REDIC1: variants seen among roughly 807,000 people sequenced by gnomAD.
REDIC1 encodes the protein HEI10 Interacting Protein 1.
chr12:39,728,813 A>G, the REDIC1 span, among the ~76,000 whole-genome samples: 19 of 105,872 alleles, frequency 1.8e-4, no homozygotes, highest in Non-Finnish European at 3.4e-4. Flanking sequence ...TTGGTAGGCT[A>G]TTAATTACTG....
At chr12:39,663,419 C>A in the REDIC1 span, among the ~76,000 whole-genome samples, 645 of 151,892 alleles carry the variant, frequency 4.2e-3, 4 homozygotes, top group Admixed American at 6.9e-3. Context: ...TTTTGGTTTC[C>A]TTTTGTGTGG....
chr12:39,670,660 C>G, the REDIC1 span, among the ~76,000 whole-genome samples: 2 of 151,406 alleles, frequency 1.3e-5, no homozygotes, highest in Non-Finnish European at 2.9e-5. Flanking sequence ...TTAAACTTTT[C>G]TTCACCTTTC....
At chr12:39,839,877 A>G in the REDIC1 span, among the ~76,000 whole-genome samples, 6 of 152,108 alleles carry the variant, frequency 3.9e-5, no homozygotes, top group Non-Finnish European at 8.8e-5. Flanking sequence ...CTAAAGCTCA[A>G]TCTTTGGCTT....
At chr12:39,721,992 A>G in the REDIC1 span, 1 of 152,134 alleles carries the variant, frequency 6.6e-6, no homozygotes, top group African/African-American at 2.4e-5. Context: ...TGTTTCTAAG[A>G]CAACACTTAT....
chr12:39,845,006 A>G, the REDIC1 span, among the ~76,000 whole-genome samples: 1 of 152,024 alleles, frequency 6.6e-6, no homozygotes, highest in African/African-American at 2.4e-5. Flanking sequence ...TAAAGTGACC[A>G]CTTGATAAAG....
the REDIC1 span, chr12:39,626,265 C>A: frequency 6.4e-7 from 1 of 1,570,650 alleles, no homozygotes; most frequent in Non-Finnish European, 8.7e-7. Flanking sequence ...CCTGCTGAAG[C>A]TGCGATTTGG....
At chr12:39,713,331 T>C in the REDIC1 span, among the ~76,000 whole-genome samples, 7,054 of 130,280 alleles carry the variant, frequency 0.054, 284 homozygotes, top group Non-Finnish European at 0.074. Context: ...TGTATACACA[T>C]ATACGTGTAT....
At chr12:39,820,651 T>C in the REDIC1 span, among the ~76,000 whole-genome samples, 2 of 151,202 alleles carry the variant, frequency 1.3e-5, no homozygotes, top group South Asian at 2.1e-4. Context: ...ATTATTTGGA[T>C]ATCTAATGCT....
chr12:39,658,669 C>G, the REDIC1 span, among the ~76,000 whole-genome samples: 1 of 152,116 alleles, frequency 6.6e-6, no homozygotes, highest in South Asian at 2.1e-4. Context: ...GCCTCTTTTT[C>G]TACTTTTATT....
At chr12:39,746,270 G>A in the REDIC1 span, among the ~76,000 whole-genome samples, 1 of 152,274 alleles carries the variant, frequency 6.6e-6, no homozygotes, top group African/African-American at 2.4e-5. Flanking sequence ...CTTAGCAAAT[G>A]GCACACCAGG....
At chr12:39,874,615 CAAAA>C in the REDIC1 span, among the ~76,000 whole-genome samples, 3 of 101,104 alleles carry the variant, frequency 3.0e-5, no homozygotes. Context: ...AACTCCATCT[CAAAA>C]AAAAAAAAAA....
the REDIC1 span, among the ~76,000 whole-genome samples, chr12:39,711,585 ATG>A: frequency 2.0e-5 from 1 of 50,338 alleles, no homozygotes; most frequent in Non-Finnish European, 5.5e-5. Flanking sequence ...ATACACATGC[ATG>A]TGTATATGTG....
the REDIC1 span, among the ~76,000 whole-genome samples, chr12:39,699,095 A>T: frequency 3.9e-5 from 6 of 152,206 alleles, no homozygotes; most frequent in Non-Finnish European, 7.3e-5. Flanking sequence ...ATTTATCTAG[A>T]CTAAGAAAAA....
chr12:39,742,827 C>T, the REDIC1 span, among the ~76,000 whole-genome samples: 1 of 152,074 alleles, frequency 6.6e-6, no homozygotes, highest in African/African-American at 2.4e-5. Flanking sequence ...AATTGCTGTC[C>T]CCCAAATTGG....
the REDIC1 span, among the ~76,000 whole-genome samples, chr12:39,895,983 TAC>T: frequency 6.9e-6 from 1 of 144,870 alleles, no homozygotes; most frequent in Non-Finnish European, 1.5e-5. Context: ...TATGTATACA[TAC>T]ATTCATATAT....
chr12:39,683,056 CAG>C, the REDIC1 span: 1 of 1,612,976 alleles, frequency 6.2e-7, no homozygotes, highest in Non-Finnish European at 8.5e-7. Context: ...CAAGAAGTAT[CAG>C]AGAGAGTATA....
the REDIC1 span, among the ~76,000 whole-genome samples, chr12:39,677,519 A>G: frequency 6.6e-6 from 1 of 152,142 alleles, no homozygotes; most frequent in Non-Finnish European, 1.5e-5. Context: ...CACTGACAAC[A>G]TTAGAGAGGT....
At chr12:39,712,984 TGTGTATATACGTGTATATGTATATATAC>T in the REDIC1 span, among the ~76,000 whole-genome samples, 1 of 20,546 alleles carries the variant, frequency 4.9e-5, no homozygotes, top group Non-Finnish European at 1.1e-4. Context: ...TATATATACA[TGTGTATATACGTGTATATGTATATATAC>T]ATGTGTATAT....
chr12:39,662,947 G>C, the REDIC1 span, among the ~76,000 whole-genome samples: 1 of 151,952 alleles, frequency 6.6e-6, no homozygotes, highest in Non-Finnish European at 1.5e-5. Flanking sequence ...TGCATATGTT[G>C]AACCATTCTT....
Sources: allele counts gnomAD v4.1 joint callset (sites outside exome capture counted in the v4.1 genomes callset), GRCh38; gene constraint gnomAD v4.1.1; transcripts MANE v1.5; gene names NCBI Gene and HGNC (gene_info 2026-07-23, HGNC 2026-07-21).